Variants in KHDRBS3 observed in about 807,000 individuals in gnomAD.
KHDRBS3 encodes the protein KH domain-containing, RNA-binding, signal transduction-associated protein 3.
Under a neutral mutation model 45.6 loss-of-function variants are expected in KHDRBS3, and 23 were observed. The observed-to-expected ratio is 0.50, with a 90% CI of 0.36 to 0.72. The LOEUF (loss-of-function observed/expected upper bound fraction) is 0.72. KHDRBS3 is among the 30% of genes least tolerant of loss of function. KHDRBS3 has a pLI of 0.00. For missense variants in KHDRBS3, 352 were observed against 424.8 expected (o/e 0.83, Z 1.51); for synonymous variants, 162 against 156.5 (o/e 1.04, Z -0.26).
intron 5 of KHDRBS3, among the ~76,000 whole-genome samples, chr8:135,579,747 T>C (rs1395141990): frequency 3.3e-5 from 5 of 152,222 alleles, no homozygotes; most frequent in Non-Finnish European, 7.3e-5. Flanking sequence ...TTTTCCTACT[T>C]TGGCCTTGTT....
intron 1 of KHDRBS3, among the ~76,000 whole-genome samples, chr8:135,506,551 C>A (rs1824006063): frequency 6.6e-6 from 1 of 151,864 alleles, no homozygotes; most frequent in East Asian, 1.9e-4. Context: ...CTACAGGTGC[C>A]CGCCACCACA....
chr8:135,537,297 C>T (rs2130747409), intron 2 of KHDRBS3, among the ~76,000 whole-genome samples: 1 of 152,246 alleles, frequency 6.6e-6, no homozygotes, highest in East Asian at 1.9e-4. Context: ...TACTAATCAG[C>T]TTTTTGGTGA....
chr8:135,503,663 C>T (rs1482308932), intron 1 of KHDRBS3, among the ~76,000 whole-genome samples: 1 of 151,570 alleles, frequency 6.6e-6, no homozygotes, highest in Non-Finnish European at 1.5e-5. Flanking sequence ...AGCTGAGTCT[C>T]GGAGAGGTTA....
chr8:135,595,962 A>T (rs1027979626), intron 6 of KHDRBS3, among the ~76,000 whole-genome samples: 2 of 152,202 alleles, frequency 1.3e-5, no homozygotes, highest in African/African-American at 2.4e-5. Flanking sequence ...CAAAAGGTGA[A>T]AGAAACAGTC....
intron 4 of KHDRBS3, among the ~76,000 whole-genome samples, chr8:135,555,728 A>G (rs1826845260): frequency 6.6e-6 from 1 of 152,144 alleles, no homozygotes; most frequent in Non-Finnish European, 1.5e-5. Flanking sequence ...TCTTTTTTAA[A>G]GATCTTTTTT....
At chr8:135,590,479 G>A (rs574638751) in intron 6 of KHDRBS3, among the ~76,000 whole-genome samples, 4 of 152,266 alleles carry the variant, frequency 2.6e-5, no homozygotes, top group East Asian at 3.9e-4. Flanking sequence ...TCTAAATGAC[G>A]TTCTTAACCT....
chr8:135,476,947 C>CTGT (rs1461480895), intron 1 of KHDRBS3, among the ~76,000 whole-genome samples: 1 of 152,096 alleles, frequency 6.6e-6, no homozygotes, highest in Non-Finnish European at 1.5e-5. Flanking sequence ...TTATTTTAGG[C>CTGT]TGTGGTCATT....
chr8:135,580,430 A>G (rs1260004532), intron 5 of KHDRBS3, among the ~76,000 whole-genome samples: 3 of 152,178 alleles, frequency 2.0e-5, no homozygotes, highest in Non-Finnish European at 4.4e-5. Flanking sequence ...TTTAATAGAC[A>G]TAAGCCCATT....
At chr8:135,564,228 G>T (rs552405069) in intron 5 of KHDRBS3, among the ~76,000 whole-genome samples, 16 of 152,122 alleles carry the variant, frequency 1.1e-4, no homozygotes, top group Non-Finnish European at 2.1e-4. Flanking sequence ...TGTGACGCTG[G>T]TATTTTACCA....
At chr8:135,559,525 T>G (rs1242085650) in intron 5 of KHDRBS3, among the ~76,000 whole-genome samples, 1 of 151,836 alleles carries the variant, frequency 6.6e-6, no homozygotes, top group Non-Finnish European at 1.5e-5. Flanking sequence ...GTTAATTTTT[T>G]TGTGTGTATG....
intron 5 of KHDRBS3, among the ~76,000 whole-genome samples, chr8:135,559,132 CT>C (rs1257282638): frequency 6.6e-6 from 1 of 151,468 alleles, no homozygotes; most frequent in African/African-American, 2.4e-5. Flanking sequence ...ATTTCTTCTT[CT>C]AGATAAGGTA....
chr8:135,633,508 A>C (rs1830689713), intron 7 of KHDRBS3, among the ~76,000 whole-genome samples: 1 of 152,236 alleles, frequency 6.6e-6, no homozygotes, highest in Non-Finnish European at 1.5e-5. Flanking sequence ...GAATTTATAG[A>C]AATATAAGCT....
chr8:135,632,920 C>T (rs149471720), intron 7 of KHDRBS3, among the ~76,000 whole-genome samples: 1 of 152,062 alleles, frequency 6.6e-6, no homozygotes, highest in Non-Finnish European at 1.5e-5. Flanking sequence ...TACTGTGCCC[C>T]CAGATAATAT....
intron 4 of KHDRBS3, among the ~76,000 whole-genome samples, chr8:135,655,651 G>C (rs1394054752): frequency 1.3e-5 from 2 of 152,152 alleles, no homozygotes; most frequent in Middle Eastern, 6.3e-3. Context: ...ACTTACCTAG[G>C]GCCTGGGACT....
downstream of KHDRBS3, among the ~76,000 whole-genome samples, chr8:135,649,607 G>T (rs1350719294): frequency 6.6e-6 from 1 of 152,078 alleles, no homozygotes; most frequent in Admixed American, 6.5e-5. Flanking sequence ...TTGGATTTTT[G>T]TTGTTGTTCG....
At chr8:135,564,096 C>T (rs772886961) in intron 5 of KHDRBS3, among the ~76,000 whole-genome samples, 5 of 152,094 alleles carry the variant, frequency 3.3e-5, no homozygotes, top group East Asian at 1.9e-4. Context: ...CTGTTTCTTC[C>T]GATATTTTAC....
chr8:135,510,390 A>G (rs1824218543), intron 1 of KHDRBS3, among the ~76,000 whole-genome samples: 1 of 152,180 alleles, frequency 6.6e-6, no homozygotes, highest in Non-Finnish European at 1.5e-5. Context: ...CAAGATGAAG[A>G]AAATATTTGA....
In KHDRBS3 at chr8:135,647,398, C is replaced by G. The variant is rs1831338634; in HGVS notation, c.*314C>G. The stretch of plus-strand genomic sequence containing the variant: ...GTTAATCTATTCTTTTAACATAAGC[C>G]TCACCTTTCATTTTAAAGGTTTCCA... On this transcript the variant is annotated 3_prime_UTR_variant, in exon 9 of 9. Coordinates refer to ENST00000355849, the MANE Select transcript of KHDRBS3 (RefSeq NM_006558.3). 5.6e-6 allele frequency: 1 copy of G among 179,998 alleles called. No homozygotes were observed. The highest frequency in any genetic ancestry group is 1.2e-5 in the Non-Finnish European group (1 of 86,590). The allele number at this position is 179,998 out of a possible 1,614,324, so 11.2% of individuals were successfully genotyped here.
chr8:135,619,439 G>A (rs1471475039), intron 7 of KHDRBS3, among the ~76,000 whole-genome samples: 1 of 151,798 alleles, frequency 6.6e-6, no homozygotes, highest in East Asian at 1.9e-4. Context: ...TATCCATATT[G>A]TCTTAGCCAA....
Sources: gnomAD v4.1 joint callset for allele counts (sites outside exome capture counted in the v4.1 genomes callset) on GRCh38, gnomAD v4.1.1 for gene constraint, MANE v1.5 for transcripts, NCBI Gene and HGNC (gene_info 2026-07-23, HGNC 2026-07-21) for gene names.